Variants in SMARCC2 observed in about 807,000 individuals in gnomAD.
The protein encoded by SMARCC2 is SWI/SNF related BAF chromatin remodeling complex subunit C2, also known as SWI/SNF complex subunit SMARCC2.
SMARCC2 carries 15 observed loss-of-function variants against 151.3 expected under a neutral mutation model. The observed-to-expected ratio is 0.10, with a 90% CI of 0.07 to 0.15. The LOEUF (loss-of-function observed/expected upper bound fraction) is 0.15. SMARCC2 is among the 10% of genes least tolerant of loss of function. The pLI is 1.00. For synonymous variants in SMARCC2, 590 were observed against 609.5 expected (o/e 0.97, Z 0.47); for missense variants, 1,031 against 1,599.7 (o/e 0.64, Z 6.06).
chr12:56,178,548 G>A lies in SMARCC2; in HGVS notation c.1180-14C>T. 2 of 1,614,150 alleles carry A rather than the reference G, an allele frequency of 1.2e-6. No individual in the cohort carries two copies. The highest frequency in any genetic ancestry group is 1.3e-5 in the African/African-American group (1 of 75,032). The stretch of plus-strand genomic sequence containing the variant: ...CTCATCCTCATCCTACGAGTATGGA[G>A]GCTGCTGGACACTCAGCATTCCTGC... On this transcript the variant is annotated splice_polypyrimidine_tract_variant and intron_variant, in intron 13 of 28. Transcript: ENST00000550164.
chr12:56,173,449 T>C (rs1401180915), intron 17 of SMARCC2, among the ~76,000 whole-genome samples: 1 of 152,192 alleles, frequency 6.6e-6, no homozygotes, highest in Non-Finnish European at 1.5e-5. Context: ...TTGACTCCCC[T>C]ACATTAGCCT....
At chr12:56,180,031 A>G (rs748417249) in intron 11 of SMARCC2, among the ~76,000 whole-genome samples, 15 of 151,994 alleles carry the variant, frequency 9.9e-5, no homozygotes, top group Admixed American at 4.6e-4. Context: ...AATTTTTTAG[A>G]TATGTTTGTG....
chr12:56,164,361 G>T lies in SMARCC2; in HGVS notation c.3603C>A (p.Ser1201Arg). ...CCTGAACAGCTGCCACAATGGCAGG[G>T]CTTTGGGCTGCGGCGGATCCGAGCC... is the stretch of plus-strand genomic sequence containing the variant. ...GPGLGSAAAQ[S>R]PAIVAAVQGN... The change falls in exon 28 of 29, where the codon AGC (serine) becomes AGA (arginine). Residue 1201 changes from serine to arginine, a missense_variant. Transcript: ENST00000550164. 5 of 1,613,748 alleles carry T rather than the reference G, an allele frequency of 3.1e-6. No individual in the cohort carries two copies. Among genetic ancestry groups the T allele is most frequent in the Non-Finnish European group, 4.2e-6 (5 of 1,180,024 alleles).
At position 56,164,335 on chromosome 12, in the gene SMARCC2, C is replaced by T. The variant is rs1322276892; in HGVS notation, c.3629G>A (p.Gly1210Asp). The part of the protein sequence containing the change: ...QSPAIVAAVQ[G>D]NLLPSASPLP... The stretch of plus-strand genomic sequence containing the variant: ...TGGGCTGGCACTGGGCAGGAGGTTG[C>T]CCTGAACAGCTGCCACAATGGCAGG... Residue 1210 changes from glycine to aspartate, a missense_variant, in exon 28 of 29, where the codon GGC becomes GAC. Gly to Asp is a moderately conservative substitution (Grantham distance 94). Transcript: ENST00000550164. 2 of 1,613,266 alleles carry T rather than the reference C, an allele frequency of 1.2e-6. No homozygotes were observed. The highest frequency in any genetic ancestry group is 2.7e-5 in the African/African-American group (2 of 74,926).
At chr12:56,184,579 C>T (rs919189708) in intron 5 of SMARCC2, 1 of 538,712 alleles carries the variant, frequency 1.9e-6, no homozygotes, top group Admixed American at 3.3e-5. Flanking sequence ...TGAGATCACG[C>T]AATCTCTAGC....
In SMARCC2 at chr12:56,163,559, G is replaced by A. The variant is rs1426083703; in HGVS notation, c.*130C>T. 1.4e-5 allele frequency: 7 copies of A among 491,918 alleles called. No homozygotes were observed. The highest frequency in any genetic ancestry group is 3.9e-5 in the South Asian group (1 of 25,818). The allele number at this position is 491,918 out of a possible 1,614,324, so 30.5% of individuals were successfully genotyped here. A position where few individuals can be genotyped will look rare whatever the true frequency, so the allele number is the denominator to read the frequency against. ...TTAGGCATGGTGAGGGCTTTGGAGGGGCGGAAGGAGCTTTCCTTACGTAGT... is the reference window on the plus strand; with the variant it reads ...TTAGGCATGGTGAGGGCTTTGGAGGAGCGGAAGGAGCTTTCCTTACGTAGT... On this transcript the variant is annotated 3_prime_UTR_variant, in exon 29 of 29. Coordinates refer to ENST00000550164, the MANE Select transcript of SMARCC2 (RefSeq NM_001330288.2).
In SMARCC2 at chr12:56,163,263, A is replaced by T. The variant is rs1034601729; in HGVS notation, c.*426T>A. Reference sequence around the variant, plus strand: ...TCCTAAAACTCACTCCCCCTCAAAAAATGTAAAAATTGGTTATTTTTTAGT... The same window carrying T: ...TCCTAAAACTCACTCCCCCTCAAAATATGTAAAAATTGGTTATTTTTTAGT... On this transcript the variant is annotated 3_prime_UTR_variant, in exon 29 of 29. Coordinates refer to ENST00000550164, the MANE Select transcript of SMARCC2 (RefSeq NM_001330288.2). 3.9e-5 allele frequency: 6 copies of T among 152,316 alleles called. No individual in the cohort carries two copies. Among genetic ancestry groups the T allele is most frequent in the African/African-American group, 1.4e-4 (6 of 41,386 alleles). The allele number at this position is 152,316 out of a possible 1,614,324, so 9.4% of individuals were successfully genotyped here.
chr12:56,165,189 G>A (rs2888009), intron 27 of SMARCC2, 129 bp downstream of exon 27: 1 of 1,194,110 alleles, frequency 8.4e-7, no homozygotes, highest in Non-Finnish European at 1.1e-6. Flanking sequence ...GGGCCTAAGA[G>A]AGATGGGCCC....
intron 26 of SMARCC2, among the ~76,000 whole-genome samples, chr12:56,166,228 G>A (rs1227406704): frequency 6.6e-6 from 1 of 151,552 alleles, no homozygotes; most frequent in Non-Finnish European, 1.5e-5. Flanking sequence ...TGCAACCTCC[G>A]CCTCCCCGGT....
At chr12:56,167,595 G>A (rs1367196284) in intron 26 of SMARCC2, among the ~76,000 whole-genome samples, 1 of 152,084 alleles carries the variant, frequency 6.6e-6, no homozygotes, top group Non-Finnish European at 1.5e-5. Flanking sequence ...TCCTGGATCT[G>A]AGGCTCTTAC....
At position 56,164,368 on chromosome 12, in the gene SMARCC2, G is replaced by A. The variant is rs1414396949; in HGVS notation, c.3596C>T (p.Ala1199Val). 2 of 1,613,656 alleles carry A rather than the reference G, an allele frequency of 1.2e-6. No individual in the cohort carries two copies. The highest frequency in any genetic ancestry group is 1.7e-6 in the Non-Finnish European group (2 of 1,180,032). The stretch of plus-strand genomic sequence containing the variant: ...AGCTGCCACAATGGCAGGGCTTTGG[G>A]CTGCGGCGGATCCGAGCCCCGGCCC... ...PLGPGLGSAA[A>V]QSPAIVAAVQ... The change falls in exon 28 of 29, where the codon GCC becomes GTC. Residue 1199 changes from alanine (A) to valine (V), a missense_variant. Physicochemically the swap from Ala to Val is moderately conservative, Grantham distance 64 (BLOSUM62 0). This residue lies in a region of SMARCC2 where 310 missense variants were observed against 350.0 expected (regional missense o/e 0.89). Transcript: ENST00000550164.
chr12:56,173,903 AG>A (rs888003576), intron 16 of SMARCC2, 54 bp from the exon 17 acceptor site: 76 of 1,537,722 alleles, frequency 4.9e-5, no homozygotes, highest in Non-Finnish European at 6.2e-5. Flanking sequence ...AAGGTGCACG[AG>A]GAAGAGGAAA....
chr12:56,183,411 G>C (rs812842), intron 7 of SMARCC2: 15,443 of 151,434 alleles, frequency 0.1, 811 homozygotes, highest in Non-Finnish European at 0.11. Context: ...CAGGTGATCC[G>C]CCTGCCTTGG....
chr12:56,184,627 T>G (rs753172036), intron 5 of SMARCC2: 1 of 565,546 alleles, frequency 1.8e-6, no homozygotes, highest in African/African-American at 1.9e-5. Flanking sequence ...CAGGCCAACA[T>G]AGTCTCTAGA....
Position 56,178,785 on chromosome 12 carries a change from T to C in SMARCC2, c.1179+25A>G, listed in dbSNP as rs780883263. 1.6e-5 allele frequency: 26 copies of C among 1,595,564 alleles called. No individual in the cohort carries two copies. The Admixed American group carries it at 2.7e-4, about 16-fold the overall frequency. On this transcript the variant is annotated intron_variant, in intron 13 of 28. Coordinates refer to ENST00000550164, the MANE Select transcript of SMARCC2 (RefSeq NM_001330288.2). ...CACAAATCAGAATCACATAGAGAGG[T>C]AGGGCCTCTCTAAACTGGCTCCACC...
intron 1 of SMARCC2, among the ~76,000 whole-genome samples, chr12:56,188,665 G>A (rs1877745901): frequency 6.6e-6 from 1 of 152,160 alleles, no homozygotes; most frequent in Non-Finnish European, 1.5e-5. Context: ...CCAAACCCAG[G>A]GTACTGCAAA....
At chr12:56,177,503 TC>T (rs1318008017) in intron 15 of SMARCC2, among the ~76,000 whole-genome samples, 2 of 152,146 alleles carry the variant, frequency 1.3e-5, no homozygotes, top group Admixed American at 6.5e-5. Context: ...TGTCTCAGTG[TC>T]CCAAGTAGCT....
chr12:56,163,851 C>T, intron 28 of SMARCC2, 86 bp from the exon 29 acceptor site: 2 of 869,688 alleles, frequency 2.3e-6, no homozygotes, highest in Non-Finnish European at 3.4e-6. Context: ...CAGAACCGGG[C>T]ATGGCATGCA....
Position 56,171,580 on chromosome 12 carries a change from G to C in SMARCC2, c.2185+99C>G. 6.7e-7 allele frequency: 1 copy of C among 1,486,724 alleles called. No individual in the cohort carries two copies. Among genetic ancestry groups the C allele is most frequent in the Non-Finnish European group, 9.1e-7 (1 of 1,102,224 alleles). The allele number at this position is 1,486,724 out of a possible 1,614,324, so 92.1% of individuals were successfully genotyped here. ...CTGAGCTGAGGCCCGCACAGACAAG[G>C]CCAGCAGGGCAGCCAAACTTGAGAG... On this transcript the variant is annotated intron_variant, in intron 21 of 28. Coordinates refer to ENST00000550164, the MANE Select transcript of SMARCC2 (RefSeq NM_001330288.2). This position sits in a 1 kb window ranked among gnomAD's most constrained non-coding sequence, Gnocchi z 4.2.
Sources: allele counts gnomAD v4.1 joint callset (sites outside exome capture counted in the v4.1 genomes callset), GRCh38; gene constraint gnomAD v4.1.1; regional missense constraint gnomAD v4.1.1; non-coding constraint Gnocchi (gnomAD v3.1); transcripts MANE v1.5; gene names NCBI Gene and HGNC (gene_info 2026-07-23, HGNC 2026-07-21).